Variants in SYT16 observed in about 807,000 individuals in gnomAD.
SYT16 encodes the protein synaptotagmin 16.
SYT16 carries 42 observed loss-of-function variants against 61.4 expected under a neutral mutation model. The ratio of observed to expected loss-of-function variants is 0.68; its 90% CI spans 0.53 to 0.89. The LOEUF is 0.89. SYT16 is among the 40% of genes least tolerant of loss of function. The pLI is 0.00. For missense variants in SYT16, 804 were observed against 807.3 expected (o/e 1.00, Z 0.05); for synonymous variants, 314 against 302.3 (o/e 1.04, Z -0.40).
chr14:61,989,449 G>A (rs1036675364), intron 2 of SYT16, among the ~76,000 whole-genome samples: 2 of 152,148 alleles, frequency 1.3e-5, no homozygotes, highest in African/African-American at 2.4e-5. Context: ...TGTAATCCCA[G>A]CTACTTGGGA....
chr14:62,081,780 C>A (rs1239737140), intron 6 of SYT16, among the ~76,000 whole-genome samples: 2 of 152,196 alleles, frequency 1.3e-5, no homozygotes, highest in African/African-American at 2.4e-5. Context: ...GGAAAGGTGT[C>A]ATAATTTACA....
In SYT16 at chr14:61,852,949, C is replaced by T. The variant is rs185665666; in HGVS notation, c.-325+40139C>T. Among the ~76,000 whole-genome samples, 5 of 152,226 alleles carry T rather than the reference C, an allele frequency of 3.3e-5. No homozygotes were observed. The East Asian group carries it at 9.7e-4, about 29-fold the overall frequency. On this transcript the variant is annotated intron_variant, in intron 1 of 7. Coordinates refer to ENST00000683842, the MANE Select transcript of SYT16 (RefSeq NM_001367656.1). Reference sequence around the variant, plus strand: ...GACTTTTTGTTTTGAGATGGAGTCTCACTCTGTTGCCCAGACTGGAGTGCA... The same window carrying T: ...GACTTTTTGTTTTGAGATGGAGTCTTACTCTGTTGCCCAGACTGGAGTGCA...
rs932370479 is a variant in SYT16 at position 61,843,562 on chromosome 14, A to C, written c.-325+30752A>C. Among the ~76,000 whole-genome samples, 4 of 152,158 alleles carry C rather than the reference A, an allele frequency of 2.6e-5. 1 individual carries two copies. The highest frequency in any genetic ancestry group is 4.1e-4 in the South Asian group (2 of 4,826). On this transcript the variant is annotated intron_variant, in intron 1 of 7. Transcript: ENST00000683842. ...GGTTTTAGATTTAAGTCTTTAATCT[A>C]TTTTGATTAGATTTTTGTAAAAGGC...
At chr14:61,973,048 AAT>A (rs1240854509) in intron 2 of SYT16, among the ~76,000 whole-genome samples, 3 of 152,214 alleles carry the variant, frequency 2.0e-5, no homozygotes, top group African/African-American at 7.2e-5. Context: ...TTGATAAAAA[AAT>A]GATAGAATAT....
chr14:62,088,631 G>A (rs1213282207), intron 7 of SYT16, among the ~76,000 whole-genome samples: 1 of 152,110 alleles, frequency 6.6e-6, no homozygotes, highest in Non-Finnish European at 1.5e-5. Flanking sequence ...CCTTAAAAAA[G>A]TACTGTAAAA....
chr14:61,920,665 C>G (rs1030536771), intron 1 of SYT16, among the ~76,000 whole-genome samples: 3 of 152,170 alleles, frequency 2.0e-5, no homozygotes, highest in Admixed American at 6.5e-5. Flanking sequence ...CCTGATTTCT[C>G]TCACTCCCAA....
rs113907336 is a variant in SYT16 at position 61,861,439 on chromosome 14, G to T, written c.-325+48629G>T. 3.5e-3 allele frequency among the ~76,000 whole-genome samples: 536 copies of T among 152,292 alleles called. 2 individuals are homozygous for T. The highest frequency in any genetic ancestry group is 0.012 in the African/African-American group (512 of 41,562). On this transcript the variant is annotated intron_variant, in intron 1 of 7. Transcript: ENST00000683842. ...ATCTCCTTTTTGTTTTCGAGACAGGGTCTCCCTCTGTTGCCCAGGCTGGAG... is the reference window on the plus strand; with the variant it reads ...ATCTCCTTTTTGTTTTCGAGACAGGTTCTCCCTCTGTTGCCCAGGCTGGAG...
At chr14:61,904,946 T>C (rs2048649131) in intron 1 of SYT16, among the ~76,000 whole-genome samples, 1 of 152,042 alleles carries the variant, frequency 6.6e-6, no homozygotes, top group Non-Finnish European at 1.5e-5. Flanking sequence ...TCAAAGGAGG[T>C]GAAGGAATAA....
At chr14:61,822,765 G>C (rs1158574034) in intron 1 of SYT16, among the ~76,000 whole-genome samples, 1 of 152,100 alleles carries the variant, frequency 6.6e-6, no homozygotes, top group Non-Finnish European at 1.5e-5. Flanking sequence ...CACTCAAATT[G>C]TCTCATTTTT....
chr14:62,070,877 A>G (rs568354326), intron 4 of SYT16, among the ~76,000 whole-genome samples: 70 of 152,250 alleles, frequency 4.6e-4, no homozygotes, highest in African/African-American at 1.7e-3. Context: ...TCAAACCCAG[A>G]CAGATAAAAA....
At chr14:61,818,687 A>C (rs1044982950) in intron 1 of SYT16, among the ~76,000 whole-genome samples, 4 of 152,064 alleles carry the variant, frequency 2.6e-5, no homozygotes, top group African/African-American at 4.8e-5. Context: ...CAAAAAAAAA[A>C]AAAAAAAACA....
intron 1 of SYT16, among the ~76,000 whole-genome samples, chr14:61,907,410 C>T (rs2048764425): frequency 6.6e-6 from 1 of 152,228 alleles, no homozygotes; most frequent in African/African-American, 2.4e-5. Context: ...AAGTTGGCAG[C>T]TTAAAATAAC....
intron 1 of SYT16, among the ~76,000 whole-genome samples, chr14:61,890,983 G>A (rs2048102780): frequency 6.6e-6 from 1 of 152,180 alleles, no homozygotes; most frequent in Non-Finnish European, 1.5e-5. Flanking sequence ...ACTCTCTGTT[G>A]CTAACTTCAG....
chr14:62,045,441 T>C (rs1344837338), intron 3 of SYT16, among the ~76,000 whole-genome samples: 2 of 152,042 alleles, frequency 1.3e-5, no homozygotes, highest in Non-Finnish European at 2.9e-5. Flanking sequence ...GTTTTGTATT[T>C]TTCTTTTTTA....
intron 1 of SYT16, among the ~76,000 whole-genome samples, chr14:61,826,580 A>T (rs1232938115): frequency 2.0e-5 from 3 of 151,900 alleles, no homozygotes; most frequent in Non-Finnish European, 2.9e-5. Flanking sequence ...CCCTTTTATT[A>T]TCATGGACTT....
intron 1 of SYT16, among the ~76,000 whole-genome samples, chr14:61,910,611 A>C (rs377511188): frequency 6.7e-6 from 1 of 148,280 alleles, no homozygotes; most frequent in East Asian, 2.0e-4. Context: ...GCTCACTGCA[A>C]CCTCTGCCTC....
intron 1 of SYT16, chr14:61,832,280 G>C: frequency 1.7e-6 from 1 of 594,840 alleles, no homozygotes; most frequent in Non-Finnish European, 3.3e-6. Context: ...CATAGTCATC[G>C]CTCTTCACAA....
chr14:61,925,977 T>A (rs777712104), intron 1 of SYT16, among the ~76,000 whole-genome samples: 17 of 145,392 alleles, frequency 1.2e-4, no homozygotes, highest in Non-Finnish European at 1.9e-4. Context: ...GGCAGAGACT[T>A]CTTCTGCCTT....
At chr14:61,933,093 G>A (rs922302283) in intron 1 of SYT16, among the ~76,000 whole-genome samples, 7 of 152,162 alleles carry the variant, frequency 4.6e-5, no homozygotes, top group African/African-American at 1.2e-4. Flanking sequence ...CCATGGAAAC[G>A]CAAAAGCTTT....
Sources: gnomAD v4.1 joint callset for allele counts (sites outside exome capture counted in the v4.1 genomes callset) on GRCh38, gnomAD v4.1.1 for gene constraint, MANE v1.5 for transcripts, NCBI Gene and HGNC (gene_info 2026-07-23, HGNC 2026-07-21) for gene names.